The following PDE8A variants were observed in gnomAD, a reference collection of about 807,000 sequenced individuals.
PDE8A encodes the protein high affinity cAMP-specific and IBMX-insensitive 3',5'-cyclic phosphodiesterase 8A.
PDE8A carries 59 observed loss-of-function variants against 105.0 expected under a neutral mutation model. The observed-to-expected ratio is 0.56, with a 90% CI of 0.46 to 0.70. The LOEUF (loss-of-function observed/expected upper bound fraction) is 0.70, where lower values mean the gene tolerates loss of function less well. Among genes scored for constraint, PDE8A ranks in the 30% least tolerant of loss-of-function variants. The pLI, the probability that PDE8A is intolerant of heterozygous loss-of-function variation, is 0.00. For missense variants in PDE8A, 1,014 were observed against 1,045.9 expected, an observed-to-expected ratio of 0.97 and a Z score of 0.42; for synonymous variants, 355 against 371.9, an observed-to-expected ratio of 0.95 and a Z score of 0.52.
intron 1 of PDE8A, among the ~76,000 whole-genome samples, chr15:85,049,774 A>G: frequency 6.6e-6 from 1 of 152,236 alleles, no homozygotes; most frequent in African/African-American, 2.4e-5. Flanking sequence ...GAAATTATGA[A>G]TAATGCTGTT....
At chr15:85,132,590 C>G (rs554427277) in intron 20 of PDE8A, among the ~76,000 whole-genome samples, 1 of 152,262 alleles carries the variant, frequency 6.6e-6, no homozygotes, top group South Asian at 2.1e-4. Context: ...CTCAGCCTCC[C>G]AAGTAGCTGG....
At chr15:85,060,505 G>A (rs1212612101) in intron 1 of PDE8A, among the ~76,000 whole-genome samples, 1 of 152,184 alleles carries the variant, frequency 6.6e-6, no homozygotes, top group African/African-American at 2.4e-5. Context: ...ATTGTATTAG[G>A]TATTATAAGT....
intron 1 of PDE8A, among the ~76,000 whole-genome samples, chr15:85,036,419 A>G (rs183108306): frequency 1.3e-5 from 2 of 152,350 alleles, no homozygotes; most frequent in Non-Finnish European, 2.9e-5. Flanking sequence ...CAGAGTACAT[A>G]CGCCAGGAAG....
intron 1 of PDE8A, among the ~76,000 whole-genome samples, chr15:85,022,527 A>G (rs2080444675): frequency 1.5e-5 from 2 of 133,542 alleles, no homozygotes; most frequent in Admixed American, 7.8e-5. Flanking sequence ...TGGTAGTGTC[A>G]TATATATGCA....
chr15:84,987,800 A>G (rs1056435286), intron 1 of PDE8A, among the ~76,000 whole-genome samples: 2 of 151,940 alleles, frequency 1.3e-5, no homozygotes, highest in Non-Finnish European at 2.9e-5. Flanking sequence ...TAAATAGGAG[A>G]AGGTTCATGA....
chr15:85,000,867 C>T (rs1345156897), intron 1 of PDE8A, among the ~76,000 whole-genome samples: 1 of 152,196 alleles, frequency 6.6e-6, no homozygotes, highest in East Asian at 1.9e-4. Context: ...TTTATCCCAC[C>T]TTATCCATTC....
chr15:85,054,678 C>G (rs548516290), intron 1 of PDE8A, among the ~76,000 whole-genome samples: 41 of 152,138 alleles, frequency 2.7e-4, no homozygotes, highest in Middle Eastern at 3.4e-3. Flanking sequence ...TCATCATTTT[C>G]TATTGTGTCT....
chr15:85,003,674 C>A (rs1454354109), intron 1 of PDE8A, among the ~76,000 whole-genome samples: 1 of 152,156 alleles, frequency 6.6e-6, no homozygotes, highest in Non-Finnish European at 1.5e-5. Flanking sequence ...GAGAACTTTT[C>A]CACTTACTCT....
At chr15:85,020,044 A>C (rs1034257896) in intron 1 of PDE8A, among the ~76,000 whole-genome samples, 2 of 138,390 alleles carry the variant, frequency 1.4e-5, no homozygotes, top group African/African-American at 2.7e-5. Flanking sequence ...GGTGATCTAC[A>C]TTACAAATGG....
At chr15:85,034,303 T>C (rs2080666845) in intron 1 of PDE8A, among the ~76,000 whole-genome samples, 1 of 152,194 alleles carries the variant, frequency 6.6e-6, no homozygotes, top group South Asian at 2.1e-4. Flanking sequence ...AATATTCTCG[T>C]GAACGCTTCT....
intron 1 of PDE8A, among the ~76,000 whole-genome samples, chr15:85,055,851 A>T (rs910888696): frequency 6.6e-6 from 1 of 152,110 alleles, no homozygotes; most frequent in African/African-American, 2.4e-5. Flanking sequence ...TCCTGTCATT[A>T]TGATGTTAGC....
chr15:85,106,016 G>A (rs1023061203), intron 11 of PDE8A, among the ~76,000 whole-genome samples: 2 of 152,208 alleles, frequency 1.3e-5, no homozygotes, highest in Admixed American at 6.5e-5. Flanking sequence ...GGGACTAGGG[G>A]AGCAGTGAGC....
intron 1 of PDE8A, among the ~76,000 whole-genome samples, chr15:85,001,659 G>A (rs1006750312): frequency 1.3e-5 from 2 of 152,180 alleles, no homozygotes; most frequent in Admixed American, 6.5e-5. Context: ...GGCACCTGAA[G>A]ACGTCATTAC....
At chr15:85,040,282 C>T (rs1195650422) in intron 1 of PDE8A, among the ~76,000 whole-genome samples, 1 of 138,738 alleles carries the variant, frequency 7.2e-6, no homozygotes, top group Admixed American at 7.3e-5. Flanking sequence ...TTCTCAACTC[C>T]TGACCTCAGG....
At chr15:84,987,540 C>T (rs71397835) in intron 1 of PDE8A, among the ~76,000 whole-genome samples, 17,552 of 141,852 alleles carry the variant, frequency 0.12, 1,340 homozygotes, top group Middle Eastern at 0.26. Context: ...GGTGCGATCT[C>T]AGCTTACCAC....
At chr15:85,065,363 G>A (rs1399205990) in intron 2 of PDE8A, among the ~76,000 whole-genome samples, 2 of 148,848 alleles carry the variant, frequency 1.3e-5, no homozygotes, top group East Asian at 2.0e-4. Context: ...GGATAGCATT[G>A]GGAGATATAC....
chr15:85,120,012 T>C (rs1014314411), intron 17 of PDE8A, among the ~76,000 whole-genome samples: 7 of 151,334 alleles, frequency 4.6e-5, no homozygotes, highest in Non-Finnish European at 8.8e-5. Context: ...AGTTAAGATA[T>C]AAAGACACAA....
rs1185369548 is a variant in PDE8A at position 85,086,774 on chromosome 15, A to G, written c.636-2564A>G. Among the ~76,000 whole-genome samples, 4 of 151,976 alleles carry G rather than the reference A, an allele frequency of 2.6e-5. No individual in the cohort carries two copies. The East Asian group carries it at 7.7e-4, about 29-fold the overall frequency. ...TTTTTATTTTTTTATTTTTTGAGAT[A>G]GAGTCTCACTCCGTTGCCCAGGCTG... On this transcript the variant is annotated intron_variant, in intron 6 of 21. Coordinates refer to ENST00000394553, the MANE Select transcript of PDE8A (RefSeq NM_002605.3).
At chr15:84,996,789 G>A (rs1037572643) in intron 1 of PDE8A, among the ~76,000 whole-genome samples, 1 of 117,842 alleles carries the variant, frequency 8.5e-6, no homozygotes, top group Non-Finnish European at 1.6e-5. Context: ...TCGCACCACT[G>A]CACTCCATCC....
Sources: allele counts gnomAD v4.1 joint callset (sites outside exome capture counted in the v4.1 genomes callset), GRCh38; gene constraint gnomAD v4.1.1; transcripts MANE v1.5; gene names NCBI Gene and HGNC (gene_info 2026-07-23, HGNC 2026-07-21).